The following ASIC2 variants were observed in gnomAD, a reference collection of about 807,000 sequenced individuals.
ASIC2 encodes acid sensing ion channel subunit 2.
ASIC2 carries 25 observed loss-of-function variants against 57.3 expected under a neutral mutation model. The observed-to-expected ratio is 0.44, with a 90% CI of 0.32 to 0.61. The LOEUF (loss-of-function observed/expected upper bound fraction) is 0.61, where lower values mean the gene tolerates loss of function less well. ASIC2 is among the 20% of genes least tolerant of loss of function. The pLI is 0.06. For synonymous variants in ASIC2, 319 were observed against 307.5 expected (o/e 1.04, Z -0.39); for missense variants, 641 against 738.1 (o/e 0.87, Z 1.52).
chr17:33,422,868 A>T (rs1911093994), intron 1 of ASIC2, among the ~76,000 whole-genome samples: 1 of 152,140 alleles, frequency 6.6e-6, no homozygotes, highest in Non-Finnish European at 1.5e-5. Flanking sequence ...CCGGGTGATG[A>T]TCTCTAGGGA....
At chr17:33,945,287 CA>C (rs1348950821) in intron 1 of ASIC2, among the ~76,000 whole-genome samples, 2 of 151,578 alleles carry the variant, frequency 1.3e-5, no homozygotes, top group African/African-American at 4.8e-5. Flanking sequence ...CCTCAAAGCT[CA>C]GCACAGGCAT....
chr17:33,576,717 G>T lies in ASIC2; in HGVS notation c.556-464650C>A, dbSNP rs531449401. Among the ~76,000 whole-genome samples, 8 of 152,258 alleles carry T rather than the reference G, an allele frequency of 5.3e-5. 1 individual carries two copies. In the South Asian group the frequency reaches 1.7e-3, roughly 32 times the overall value. On this transcript the variant is annotated intron_variant, in intron 1 of 9. Coordinates refer to the ASIC2 transcript ENST00000359872. ...AGGCAGTGATAGCATGCAAGAAGGA[G>T]ATGTTTTCTCCTTACTCCCTACCCA...
At position 33,831,809 on chromosome 17, in the gene ASIC2, A is replaced by G. The variant is rs553169642; in HGVS notation, c.555+324169T>C. The stretch of plus-strand genomic sequence containing the variant: ...TGTCAGGAGTTTGTTCTAGAAGAGC[A>G]AAAAGGCCCAGAAACAATCTTGAAG... On this transcript the variant is annotated intron_variant, in intron 1 of 9. Transcript: ENST00000359872. Among the ~76,000 whole-genome samples the G allele has an allele frequency of 2.6e-5, 4 of 152,280 alleles. No homozygotes were observed. In the East Asian group the frequency reaches 7.7e-4, roughly 29 times the overall value.
chr17:34,114,152 G>C lies in ASIC2; in HGVS notation c.555+41826C>G, dbSNP rs138361596. Among the ~76,000 whole-genome samples, 1,250 of 152,276 alleles carry C rather than the reference G, an allele frequency of 8.2e-3. 14 individuals carry two copies. Among genetic ancestry groups the C allele is most frequent in the African/African-American group, 0.028 (1,163 of 41,558 alleles). Reference sequence around the variant, plus strand: ...CTATTCCCTGAAGCAGATGCTCTTAGATCAAGAAGAAATTGGCAGTGCAGT... The same window carrying C: ...CTATTCCCTGAAGCAGATGCTCTTACATCAAGAAGAAATTGGCAGTGCAGT... On this transcript the variant is annotated intron_variant, in intron 1 of 9. Coordinates refer to the ASIC2 transcript ENST00000359872.
At chr17:33,478,758 G>T (rs542360138) in intron 1 of ASIC2, among the ~76,000 whole-genome samples, 1 of 152,250 alleles carries the variant, frequency 6.6e-6, no homozygotes, top group East Asian at 1.9e-4. Flanking sequence ...GAATTGATTT[G>T]CCCAAGGTTC....
At chr17:33,619,309 C>T (rs874894) in intron 1 of ASIC2, among the ~76,000 whole-genome samples, 65,922 of 151,952 alleles carry the variant, frequency 0.43, 14,764 homozygotes, top group African/African-American at 0.53. Flanking sequence ...TCAATTTCAA[C>T]ATATGAAGAG....
At chr17:33,682,455 G>T (rs1423326188) in intron 1 of ASIC2, among the ~76,000 whole-genome samples, 1 of 152,068 alleles carries the variant, frequency 6.6e-6, no homozygotes, top group Non-Finnish European at 1.5e-5. Flanking sequence ...ACATCCAGAA[G>T]ACCTGCGTGC....
chr17:33,646,280 A>G (rs1408840739), intron 1 of ASIC2, among the ~76,000 whole-genome samples: 1 of 152,184 alleles, frequency 6.6e-6, no homozygotes, highest in African/African-American at 2.4e-5. Flanking sequence ...AGATGTGTGT[A>G]TATTATGGAT....
At chr17:33,461,348 T>A (rs749895937) in intron 1 of ASIC2, among the ~76,000 whole-genome samples, 1 of 152,222 alleles carries the variant, frequency 6.6e-6, no homozygotes, top group African/African-American at 2.4e-5. Flanking sequence ...CCCTTCTCTA[T>A]CCTCTGGTCA....
At chr17:34,153,872 A>G (rs541323406) in intron 1 of ASIC2, among the ~76,000 whole-genome samples, 37 of 152,364 alleles carry the variant, frequency 2.4e-4, no homozygotes, top group African/African-American at 8.7e-4. Flanking sequence ...CTATTTGGGA[A>G]ACATTACAAA....
In ASIC2 at chr17:33,167,786, G is replaced by A. The variant is rs191395353; in HGVS notation, c.709-55719C>T. On this transcript the variant is annotated intron_variant, in intron 1 of 9. Coordinates refer to ENST00000225823, the MANE Select transcript of ASIC2 (RefSeq NM_183377.2). Reference sequence around the variant, plus strand: ...CATTTGACAATCCCAATCCCAAGACGTGCCTTCCTCTGCCTCTATTTGCTT... The same window carrying A: ...CATTTGACAATCCCAATCCCAAGACATGCCTTCCTCTGCCTCTATTTGCTT... Among the ~76,000 whole-genome samples the A allele has an allele frequency of 9.1e-5, 13 of 142,756 alleles. No homozygotes were observed. The East Asian group carries it at 1.4e-3, about 15-fold the overall frequency. The allele number at this position is 142,756 out of a possible 152,430, so 93.7% of individuals were successfully genotyped here.
intron 1 of ASIC2, among the ~76,000 whole-genome samples, chr17:34,042,513 G>A (rs892625367): frequency 3.3e-5 from 5 of 152,076 alleles, no homozygotes; most frequent in Admixed American, 3.3e-4. Flanking sequence ...TTAGTATCTA[G>A]TAAGGGAAAT....
intron 1 of ASIC2, among the ~76,000 whole-genome samples, chr17:33,557,952 T>G (rs1915958914): frequency 6.6e-6 from 1 of 152,166 alleles, no homozygotes; most frequent in Admixed American, 6.5e-5. Context: ...TCCTTTTCTC[T>G]GCAAAGACTA....
Position 33,291,827 on chromosome 17 carries a change from A to C in ASIC2, c.289T>G (p.Phe97Val). The change falls in exon 1 of 10, where the codon TTC becomes GTC. Residue 97 changes from phenylalanine to valine, a missense_variant. Physicochemically the swap from Phe to Val is conservative, Grantham distance 50 (BLOSUM62 -1). Transcript: ENST00000225823. ...GAGGACCAGGACAGCAGCAAGCCGA[A>C]GGATGTACAGAAGGCCAGCACCCAC... Reference protein sequence around the residue: ...ALWVLAFCTSFGLLLSWSSNR... With the variant: ...ALWVLAFCTSVGLLLSWSSNR... 1 of 1,612,038 alleles carries C rather than the reference A, an allele frequency of 6.2e-7. No homozygotes were observed. Among genetic ancestry groups the C allele is most frequent in the South Asian group, 1.1e-5 (1 of 91,076 alleles).
intron 1 of ASIC2, among the ~76,000 whole-genome samples, chr17:33,380,917 C>T (rs975688724): frequency 6.6e-5 from 10 of 152,206 alleles, no homozygotes; most frequent in Non-Finnish European, 1.3e-4. Context: ...AGGCTACACT[C>T]CTTACTGTGC....
chr17:33,226,850 T>C (rs1207855592), intron 1 of ASIC2, among the ~76,000 whole-genome samples: 3 of 152,222 alleles, frequency 2.0e-5, no homozygotes. Context: ...TCAAATTTTC[T>C]AGTAGTCCTT....
intron 1 of ASIC2, among the ~76,000 whole-genome samples, chr17:33,965,046 ACTC>A (rs1427626972): frequency 6.6e-6 from 1 of 151,944 alleles, no homozygotes; most frequent in Non-Finnish European, 1.5e-5. Context: ...CACTTTCCAT[ACTC>A]CTTTTAAAAT....
intron 1 of ASIC2, among the ~76,000 whole-genome samples, chr17:33,796,483 G>T (rs1161309313): frequency 6.6e-6 from 1 of 152,120 alleles, no homozygotes; most frequent in Non-Finnish European, 1.5e-5. Flanking sequence ...GTTATTATTA[G>T]TAGTAATAAT....
chr17:33,102,350 C>T (rs2092215126), intron 2 of ASIC2, among the ~76,000 whole-genome samples: 1 of 152,222 alleles, frequency 6.6e-6, no homozygotes, highest in South Asian at 2.1e-4. Flanking sequence ...AGGTCGTTCT[C>T]ATTCCGGATC....
Sources: gnomAD v4.1 joint callset for allele counts (sites outside exome capture counted in the v4.1 genomes callset) on GRCh38, gnomAD v4.1.1 for gene constraint, MANE v1.5 for transcripts, NCBI Gene and HGNC (gene_info 2026-07-23, HGNC 2026-07-21) for gene names.